The following PTPRT variants were observed in gnomAD, a reference collection of about 807,000 sequenced individuals.
The protein encoded by PTPRT is protein tyrosine phosphatase receptor type T.
In PTPRT, 56 loss-of-function variants were observed where a neutral mutation model predicts 176.8. The observed-to-expected ratio is 0.32, with a 90% CI of 0.26 to 0.40. The LOEUF (loss-of-function observed/expected upper bound fraction) is 0.40. PTPRT is among the 10% of genes least tolerant of loss of function. PTPRT has a pLI of 1.00. For synonymous variants in PTPRT, 783 were observed against 739.0 expected (o/e 1.06, Z -0.96); for missense variants, 1,540 against 1,908.2 (o/e 0.81, Z 3.60).
intron 7 of PTPRT, among the ~76,000 whole-genome samples, chr20:42,569,505 T>C (rs998919031): frequency 2.0e-5 from 3 of 152,288 alleles, no homozygotes; most frequent in Non-Finnish European, 2.9e-5. Context: ...AACTAATGAT[T>C]GTTGCTATCA....
At chr20:42,608,232 C>CCA (rs1331027720) in intron 7 of PTPRT, among the ~76,000 whole-genome samples, 1 of 152,160 alleles carries the variant, frequency 6.6e-6, no homozygotes, top group African/African-American at 2.4e-5. Flanking sequence ...TCATGGGCAG[C>CCA]CACAGCCCCT....
At chr20:42,257,636 T>TCCCCCCCCCCCCCCCCCCCCC (rs1485904252) in intron 13 of PTPRT, among the ~76,000 whole-genome samples, 2 of 6,650 alleles carry the variant, frequency 3.0e-4, no homozygotes, top group African/African-American at 8.1e-4. Context: ...GTGTAGCACC[T>TCCCCCCCCCCCCCCCCCCCCC]CCCCCCACCC....
intron 9 of PTPRT, among the ~76,000 whole-genome samples, chr20:42,385,825 C>G (rs545892714): frequency 2.6e-5 from 4 of 152,104 alleles, no homozygotes; most frequent in Admixed American, 1.3e-4. Flanking sequence ...ACCACCCCCA[C>G]GATTCAATTA....
At chr20:42,273,638 G>T (rs550588754) in intron 13 of PTPRT, among the ~76,000 whole-genome samples, 12 of 152,212 alleles carry the variant, frequency 7.9e-5, no homozygotes, top group Non-Finnish European at 2.9e-5. Flanking sequence ...AACCACTAGG[G>T]AATGTGGGAT....
At chr20:42,513,532 A>C (rs1439814526) in intron 7 of PTPRT, among the ~76,000 whole-genome samples, 1 of 152,058 alleles carries the variant, frequency 6.6e-6, no homozygotes, top group Non-Finnish European at 1.5e-5. Context: ...TATTTTCTAG[A>C]TATTTTGCAA....
At chr20:43,090,165 A>G (rs189143016) in intron 1 of PTPRT, among the ~76,000 whole-genome samples, 4 of 152,254 alleles carry the variant, frequency 2.6e-5, no homozygotes, top group Admixed American at 2.6e-4. Context: ...ACTCCAGGAA[A>G]AATAGAGAAT....
intron 7 of PTPRT, among the ~76,000 whole-genome samples, chr20:42,648,245 C>A (rs969803217): frequency 6.6e-6 from 1 of 151,810 alleles, no homozygotes; most frequent in Non-Finnish European, 1.5e-5. Context: ...TCACTTCAAT[C>A]AAGGGGTCCT....
chr20:43,116,863 T>A (rs946286574), intron 1 of PTPRT, among the ~76,000 whole-genome samples: 26 of 152,172 alleles, frequency 1.7e-4, no homozygotes, highest in African/African-American at 4.8e-5. Context: ...ATGGCTGTAT[T>A]AGATAGCTCT....
At chr20:42,094,585 G>A (rs967376734) in intron 27 of PTPRT, among the ~76,000 whole-genome samples, 1 of 152,010 alleles carries the variant, frequency 6.6e-6, no homozygotes, top group African/African-American at 2.4e-5. Context: ...ACCATGCCCA[G>A]TTCATTTAAA....
chr20:42,668,165 A>AT (rs1022598912), intron 7 of PTPRT, among the ~76,000 whole-genome samples: 8 of 151,972 alleles, frequency 5.3e-5, no homozygotes, highest in African/African-American at 9.7e-5. Context: ...TAAACAATTG[A>AT]TTTTTTCCCT....
rs574612666 is a variant in PTPRT at position 42,809,613 on chromosome 20, C to T, written c.215-18147G>A. ...TGAAATCAAGGTGGGTCGGCAGGGC[C>T]GTGGGGGAAGTCTCTAGGGGATAAT... On this transcript the variant is annotated intron_variant, in intron 2 of 30. Transcript: ENST00000373187. Among the ~76,000 whole-genome samples the T allele has an allele frequency of 2.2e-3, 335 of 152,252 alleles. 1 individual carries two copies. Among genetic ancestry groups the T allele is most frequent in the African/African-American group, 7.6e-3 (315 of 41,536 alleles).
chr20:43,149,795 G>C (rs1379417367), intron 1 of PTPRT, among the ~76,000 whole-genome samples: 2 of 152,194 alleles, frequency 1.3e-5, no homozygotes, highest in Non-Finnish European at 2.9e-5. Flanking sequence ...TTTGCAAGAT[G>C]ACAGTTCACC....
intron 2 of PTPRT, among the ~76,000 whole-genome samples, chr20:42,841,608 AATACACAC>A (rs1409983064): frequency 9.0e-6 from 1 of 111,560 alleles, no homozygotes; most frequent in African/African-American, 3.7e-5. Context: ...TTTAGTGTTA[AATACACAC>A]ACACACACAC....
In PTPRT at chr20:42,895,094, G is replaced by A. The variant is rs146168641; in HGVS notation, c.89-9162C>T. ...GGTTGTTAAACTTTTTCTATAAAAG[G>A]CTAGATAGTAAATATTTTCAGCTTT... On this transcript the variant is annotated intron_variant, in intron 1 of 30. Coordinates refer to ENST00000373187, the MANE Select transcript of PTPRT (RefSeq NM_007050.6). 1.2e-3 allele frequency among the ~76,000 whole-genome samples: 187 copies of A among 152,266 alleles called. 1 individual carries two copies. Among genetic ancestry groups the A allele is most frequent in the African/African-American group, 4.3e-3 (180 of 41,540 alleles).
chr20:42,648,147 T>C (rs773871715), intron 7 of PTPRT, among the ~76,000 whole-genome samples: 1 of 152,128 alleles, frequency 6.6e-6, no homozygotes, highest in Non-Finnish European at 1.5e-5. Context: ...CCTTGGGGCA[T>C]GCTGTTTAAT....
rs61484693 is a variant in PTPRT, at chr20:42,276,496, A to AATATATAT, written c.2176+5985_2176+5992dup. Among the ~76,000 whole-genome samples, 44 of 44,154 alleles carry AATATATAT rather than the reference A, an allele frequency of 1.0e-3. 2 individuals carry two copies. The highest frequency in any genetic ancestry group is 1.7e-3 in the Non-Finnish European group (36 of 21,148). 29.0% of individuals were successfully genotyped at this position (44,154 alleles called of 152,430 possible). ...TCAGAAAGGAAGAGAGAAAGAAGGA[A>AATATATAT]ATATATATATATATATATATATATA... On this transcript the variant is annotated intron_variant, in intron 13 of 30. Transcript: ENST00000373187.
chr20:42,895,918 T>C (rs2079287796), intron 1 of PTPRT, among the ~76,000 whole-genome samples: 1 of 152,140 alleles, frequency 6.6e-6, no homozygotes, highest in Non-Finnish European at 1.5e-5. Context: ...GTCCCGTGTA[T>C]TGCCATTTGA....
chr20:42,530,894 C>G (rs990608835), intron 7 of PTPRT, among the ~76,000 whole-genome samples: 1 of 152,202 alleles, frequency 6.6e-6, no homozygotes, highest in Non-Finnish European at 1.5e-5. Flanking sequence ...TCCGGAGAAA[C>G]ATGGCCCAGC....
intron 12 of PTPRT, among the ~76,000 whole-genome samples, chr20:42,313,955 C>T (rs186243806): frequency 2.2e-4 from 33 of 152,200 alleles, no homozygotes; most frequent in African/African-American, 6.5e-4. Flanking sequence ...TTCCTCAATC[C>T]GGGTTTCTCA....
Sources: gnomAD v4.1 joint callset for allele counts (sites outside exome capture counted in the v4.1 genomes callset) on GRCh38, gnomAD v4.1.1 for gene constraint, MANE v1.5 for transcripts, NCBI Gene and HGNC (gene_info 2026-07-23, HGNC 2026-07-21) for gene names.